ZNF330: variants seen among roughly 807,000 people sequenced by gnomAD.
The protein encoded by ZNF330 is nucleolar atypical zinc finger, also known as zinc finger protein 330.
In ZNF330, 31 loss-of-function variants were observed where a neutral mutation model predicts 45.5. The observed-to-expected ratio is 0.68, with a 90% CI of 0.51 to 0.92. The LOEUF (loss-of-function observed/expected upper bound fraction) is 0.92. ZNF330 is among the 40% of genes least tolerant of loss of function. The pLI is 0.00. For synonymous variants in ZNF330, 138 were observed against 123.2 expected (o/e 1.12, Z -0.79); for missense variants, 356 against 387.4 (o/e 0.92, Z 0.68).
chr4:141,231,890 A>G (rs887775837), intron 8 of ZNF330, among the ~76,000 whole-genome samples: 2 of 152,144 alleles, frequency 1.3e-5, no homozygotes, highest in Non-Finnish European at 2.9e-5. Context: ...AAACAGATGC[A>G]GCCAATGCCC....
Position 141,226,798 on chromosome 4 carries a change from C to T in ZNF330, c.243C>T (p.Asp81=). 6.2e-7 allele frequency: 1 copy of T among 1,613,028 alleles called. No homozygotes were observed. The highest frequency in any genetic ancestry group is 8.5e-7 in the Non-Finnish European group (1 of 1,179,346). Residue 81 remains aspartate (D), a synonymous_variant, in exon 5 of 10, where the codon GAC becomes GAT. Transcript: ENST00000262990. ...CAAAGTGCATGATGAAGTCTTCAGACTGTGTCATAAAGCATGCTGGTGTAT... is the reference window on the plus strand; with the variant it reads ...CAAAGTGCATGATGAAGTCTTCAGATTGTGTCATAAAGCATGCTGGTGTAT... ...GKTKCMMKSS[D]CVIKHAGVYS... is the part of the protein sequence containing the mutation.
chr4:141,221,745 CGTT>C (rs1403334485), intron 1 of ZNF330, among the ~76,000 whole-genome samples: 4 of 151,788 alleles, frequency 2.6e-5, no homozygotes, highest in Non-Finnish European at 5.9e-5. Flanking sequence ...ATTTGAACCC[CGTT>C]AAAATTACAT....
intron 5 of ZNF330, among the ~76,000 whole-genome samples, chr4:141,227,283 C>A (rs939243896): frequency 3.3e-5 from 5 of 151,752 alleles, no homozygotes; most frequent in African/African-American, 9.7e-5. Context: ...CCTCCCCCAT[C>A]CCCCCACCCC....
chr4:141,234,108 C>T lies in ZNF330; in HGVS notation c.*119C>T, dbSNP rs890621229. The T allele has an allele frequency of 1.0e-5, 15 of 1,465,110 alleles. No individual in the cohort carries two copies. Among genetic ancestry groups the T allele is most frequent in the South Asian group, 1.5e-5 (1 of 67,460 alleles). The allele number at this position is 1,465,110 out of a possible 1,614,324, so 90.8% of individuals were successfully genotyped here. ...TTAGCCTTGTGCAGAAGACTAGTTA[C>T]ACTTAATGGGCCAAGCAATAGGGTG... On this transcript the variant is annotated 3_prime_UTR_variant, in exon 10 of 10. Transcript: ENST00000262990.
chr4:141,222,614 G>T, intron 2 of ZNF330, 123 bp downstream of exon 2: 1 of 1,038,884 alleles, frequency 9.6e-7, no homozygotes. Context: ...GCTGAATTTA[G>T]TATCTCTGGC....
intron 2 of ZNF330, chr4:141,224,123 T>G (rs139977688): frequency 6.5e-6 from 2 of 306,362 alleles, no homozygotes; most frequent in African/African-American, 4.3e-5. Context: ...CCCACTTCAT[T>G]TGGAATAATA....
chr4:141,226,947 T>C, intron 5 of ZNF330, 101 bp downstream of exon 5: 2 of 941,224 alleles, frequency 2.1e-6, no homozygotes, highest in Non-Finnish European at 3.2e-6. Flanking sequence ...GCTTTGTCCC[T>C]TGTTTCAATC....
chr4:141,230,323 A>C, intron 7 of ZNF330, 53 bp downstream of exon 7: 1 of 1,057,662 alleles, frequency 9.5e-7, no homozygotes, highest in Non-Finnish European at 1.4e-6. Flanking sequence ...GAATAGTATA[A>C]TTATTAATCT....
intron 4 of ZNF330, 133 bp from the exon 5 acceptor site, chr4:141,226,634 G>A (rs1186348481): frequency 3.1e-6 from 2 of 643,410 alleles, no homozygotes; most frequent in African/African-American, 1.8e-5. Flanking sequence ...TATGTAAGCA[G>A]TAAATACTGA....
rs1236111128 is a variant in ZNF330 at position 141,227,731 on chromosome 4, G to A, written c.291+885G>A. 2.0e-5 allele frequency among the ~76,000 whole-genome samples: 3 copies of A among 152,048 alleles called. No individual in the cohort carries two copies. In the South Asian group the frequency reaches 6.2e-4, roughly 31 times the overall value. On this transcript the variant is annotated intron_variant, in intron 5 of 9. Transcript: ENST00000262990. ...GTACCGAAAGCCCTGCTTAACCAAC[G>A]TTTAAGCCTTTGGTTAAATAAGCAA... is the stretch of plus-strand genomic sequence containing the variant.
At chr4:141,228,619 C>CT (rs1263857223) in intron 5 of ZNF330, among the ~76,000 whole-genome samples, 1 of 152,072 alleles carries the variant, frequency 6.6e-6, no homozygotes, top group Non-Finnish European at 1.5e-5. Context: ...AGTACCATCT[C>CT]TTTTTTGCAA....
At chr4:141,224,412 T>C in intron 2 of ZNF330, 75 bp from the exon 3 acceptor site, 1 of 1,395,800 alleles carries the variant, frequency 7.2e-7, no homozygotes, top group East Asian at 2.3e-5. Flanking sequence ...AAAAGCAGGT[T>C]ATTCTTTGTA....
chr4:141,229,147 A>C (rs189778453), intron 5 of ZNF330, among the ~76,000 whole-genome samples: 30 of 152,274 alleles, frequency 2.0e-4, no homozygotes, highest in African/African-American at 7.2e-4. Context: ...ATAAGAAGGT[A>C]TTTTAAAAAT....
At chr4:141,228,748 T>G (rs1006235368) in intron 5 of ZNF330, among the ~76,000 whole-genome samples, 14 of 152,106 alleles carry the variant, frequency 9.2e-5, no homozygotes, top group African/African-American at 3.1e-4. Flanking sequence ...TTCAGAGCCT[T>G]GAATAATAGA....
At chr4:141,228,489 TTTC>T (rs1437085455) in intron 5 of ZNF330, among the ~76,000 whole-genome samples, 1 of 152,062 alleles carries the variant, frequency 6.6e-6, no homozygotes, top group East Asian at 1.9e-4. Flanking sequence ...GGTTTTATCC[TTTC>T]TCTAAGGACC....
chr4:141,228,426 A>G (rs1291945151), intron 5 of ZNF330, among the ~76,000 whole-genome samples: 1 of 152,078 alleles, frequency 6.6e-6, no homozygotes, highest in African/African-American at 2.4e-5. Context: ...GCAGGAGAAT[A>G]AGATCTGGGT....
chr4:141,230,956 T>C (rs1304449158), intron 7 of ZNF330, among the ~76,000 whole-genome samples: 1 of 152,106 alleles, frequency 6.6e-6, no homozygotes, highest in African/African-American at 2.4e-5. Context: ...AAAGCCCTTT[T>C]TAAATAGTAG....
At chr4:141,220,811 T>A (rs367812542), upstream of ZNF330, 1 of 152,256 alleles carries the variant, frequency 6.6e-6, no homozygotes. Flanking sequence ...AATGGGGCAT[T>A]GGCCCCCGCA....
Position 141,234,566 on chromosome 4 carries a change from A to G in ZNF330, c.*577A>G, listed in dbSNP as rs1729041344. On this transcript the variant is annotated 3_prime_UTR_variant, in exon 10 of 10. Coordinates refer to ENST00000262990, the MANE Select transcript of ZNF330 (RefSeq NM_014487.6). Reference sequence around the variant, plus strand: ...ATGTCCTCAGTGGTACCTATTATTGATGCCTTAAATGTATTGATAAGGTGA... The same window carrying G: ...ATGTCCTCAGTGGTACCTATTATTGGTGCCTTAAATGTATTGATAAGGTGA... The G allele has an allele frequency of 6.6e-6, 1 of 152,142 alleles. No homozygotes were observed. Among genetic ancestry groups the G allele is most frequent in the South Asian group, 2.1e-4 (1 of 4,830 alleles). The allele number at this position is 152,142 out of a possible 1,614,324, so 9.4% of individuals were successfully genotyped here. A position where few individuals can be genotyped will look rare whatever the true frequency, so the allele number is the denominator to read the frequency against.
Sources: gnomAD v4.1 joint callset for allele counts (sites outside exome capture counted in the v4.1 genomes callset) on GRCh38, gnomAD v4.1.1 for gene constraint, MANE v1.5 for transcripts, NCBI Gene and HGNC (gene_info 2026-07-23, HGNC 2026-07-21) for gene names.